The following NSD1 variants were observed in gnomAD, a reference collection of about 807,000 sequenced individuals.
The protein encoded by NSD1 is nuclear receptor binding SET domain protein 1.
In NSD1, 26 loss-of-function variants were observed where a neutral mutation model predicts 242.7. The ratio of observed to expected loss-of-function variants is 0.11; its 90% CI spans 0.08 to 0.15. The LOEUF (loss-of-function observed/expected upper bound fraction) is 0.15. NSD1 is among the 10% of genes least tolerant of loss of function. NSD1 has a pLI of 1.00. For synonymous variants in NSD1, 1,106 were observed against 1,178.1 expected (o/e 0.94, Z 1.25); for missense variants, 2,495 against 3,272.8 (o/e 0.76, Z 5.80).
rs142030334 is a variant in NSD1, at chr5:177,294,164, A to G, written c.6796A>G (p.Lys2266Glu). The change falls in exon 23 of 23, where the codon AAA (lysine) becomes GAA (glutamate). Residue 2266 changes from lysine to glutamate, a missense_variant. Transcript: ENST00000439151. Reference protein sequence around the residue: ...ADTNQMLSLSKKALAGTCQRP... With the variant: ...ADTNQMLSLSEKALAGTCQRP... ...CACCAACCAGATGCTGTCGCTCTCC[A>G]AAAAAGCTCTGGCAGGGACTTGTCA... 1.9e-6 allele frequency: 3 copies of G among 1,614,068 alleles called. No individual in the cohort carries two copies. The highest frequency in any genetic ancestry group is 2.5e-6 in the Non-Finnish European group (3 of 1,180,030).
At chr5:177,192,088 A>G in intron 3 of NSD1, 69 bp downstream of exon 3, 7 of 1,318,638 alleles carry the variant, frequency 5.3e-6, no homozygotes, top group Non-Finnish European at 7.4e-6. Flanking sequence ...TTGTTATCTT[A>G]ATAATAATAT....
rs1554183364 is a variant in NSD1, at chr5:177,181,426, G to GTTTTTTTTTTT, written c.928-10458_928-10457insTTTTTTTTTTT. 1.5e-4 allele frequency among the ~76,000 whole-genome samples: 18 copies of GTTTTTTTTTTT among 119,762 alleles called. 1 individual carries two copies. Among genetic ancestry groups the GTTTTTTTTTTT allele is most frequent in the East Asian group, 4.7e-4 (2 of 4,252 alleles). The allele number at this position is 119,762 out of a possible 152,430, so 78.6% of individuals were successfully genotyped here. On this transcript the variant is annotated intron_variant, in intron 2 of 22. Coordinates refer to ENST00000439151, the MANE Select transcript of NSD1 (RefSeq NM_022455.5). Reference sequence around the variant, plus strand: ...GAAACTTCATTATGGGTTTTTTTTTGGTTTTTTTTTTTTTTTTTTGGCAGG... The same window carrying GTTTTTTTTTTT: ...GAAACTTCATTATGGGTTTTTTTTTGTTTTTTTTTTTGTTTTTTTTTTTTTTTTTTGGCAGG...
intron 2 of NSD1, among the ~76,000 whole-genome samples, chr5:177,139,852 T>A (rs2149762013): frequency 6.6e-6 from 1 of 151,040 alleles, no homozygotes; most frequent in Non-Finnish European, 1.5e-5. Context: ...GAGGCAGTAG[T>A]AGGATCACTT....
chr5:177,169,867 A>G lies in NSD1; in HGVS notation c.928-22017A>G, dbSNP rs146659022. Among the ~76,000 whole-genome samples the G allele has an allele frequency of 2.9e-3, 437 of 152,190 alleles. 2 individuals carry two copies. Among genetic ancestry groups the G allele is most frequent in the Non-Finnish European group, 5.2e-3 (356 of 67,996 alleles). On this transcript the variant is annotated intron_variant, in intron 2 of 22. Transcript: ENST00000439151. ...CTGCAATTACTTCTGTACCAACCTA[A>G]TAGTTTGCTTAGTGTTTTTATCATG...
At chr5:177,174,051 TCTC>T (rs1237436645) in intron 2 of NSD1, among the ~76,000 whole-genome samples, 3 of 151,990 alleles carry the variant, frequency 2.0e-5, no homozygotes, top group African/African-American at 4.8e-5. Flanking sequence ...TCCTTTTTAT[TCTC>T]CTCCTTGGTC....
In NSD1 at chr5:177,293,751, C is replaced by T. The variant is rs187083426; in HGVS notation, c.6464-81C>T. On this transcript the variant is annotated intron_variant, in intron 22 of 22. Transcript: ENST00000439151. ...TGTGAAGGAAGGTCATCATCCACACCTTCGGACTGTAGCATAGCCTTGGCC... is the reference window on the plus strand; with the variant it reads ...TGTGAAGGAAGGTCATCATCCACACTTTCGGACTGTAGCATAGCCTTGGCC... The T allele has an allele frequency of 1.1e-3, 1,607 of 1,508,908 alleles. 6 individuals carry two copies. In the Middle Eastern group the frequency reaches 0.016, roughly 15 times the overall value. The allele number at this position is 1,508,908 out of a possible 1,614,324, so 93.5% of individuals were successfully genotyped here.
rs75496330 is a variant in NSD1 at position 177,227,412 on chromosome 5, T to G, written c.3797-8409T>G. Among the ~76,000 whole-genome samples, 3 of 152,318 alleles carry G rather than the reference T, an allele frequency of 2.0e-5. No individual in the cohort carries two copies. In the East Asian group the frequency reaches 5.8e-4, roughly 29 times the overall value. On this transcript the variant is annotated intron_variant, in intron 5 of 22. Transcript: ENST00000439151. ...TAGTTTCCTTTACTTTCTGGCAGGA[T>G]GATAACAATATTCATTAACTTTGGA...
intron 16 of NSD1, among the ~76,000 whole-genome samples, chr5:177,271,087 C>T (rs1346969347): frequency 6.6e-6 from 1 of 152,040 alleles, no homozygotes; most frequent in Non-Finnish European, 1.5e-5. Context: ...TGCCTAAGCT[C>T]TGAGATTCTG....
intron 2 of NSD1, among the ~76,000 whole-genome samples, chr5:177,165,311 G>A (rs1196264722): frequency 1.3e-5 from 2 of 151,848 alleles, no homozygotes; most frequent in Non-Finnish European, 2.9e-5. Flanking sequence ...TGGGATTACA[G>A]GTGCTTGCCA....
chr5:177,244,137 A>C (rs368843320), intron 8 of NSD1, 58 bp from the exon 9 acceptor site: 1 of 1,251,452 alleles, frequency 8.0e-7, no homozygotes, highest in South Asian at 1.2e-5. Flanking sequence ...TGGCATATAA[A>C]GTAAAGGGTT....
intron 2 of NSD1, among the ~76,000 whole-genome samples, chr5:177,139,624 T>C (rs1756643931): frequency 6.6e-6 from 1 of 152,222 alleles, no homozygotes; most frequent in South Asian, 2.1e-4. Flanking sequence ...CTGGGAATTT[T>C]AGAAAATCCT....
chr5:177,164,770 T>TC (rs1352084381), intron 2 of NSD1, among the ~76,000 whole-genome samples: 1 of 149,330 alleles, frequency 6.7e-6, no homozygotes, highest in Admixed American at 6.7e-5. Context: ...ATGGTGAAAC[T>TC]CCATCTCTAC....
intron 20 of NSD1, among the ~76,000 whole-genome samples, chr5:177,284,260 C>T (rs893530373): frequency 7.2e-5 from 11 of 152,168 alleles, no homozygotes; most frequent in African/African-American, 2.7e-4. Flanking sequence ...TTTCTGACCA[C>T]CTCATTTCAT....
At chr5:177,219,316 G>T (rs899981762) in intron 5 of NSD1, among the ~76,000 whole-genome samples, 4 of 151,794 alleles carry the variant, frequency 2.6e-5, no homozygotes, top group Admixed American at 2.0e-4. Context: ...CTCCCAAGTA[G>T]CTGGGATTAC....
intron 17 of NSD1, among the ~76,000 whole-genome samples, chr5:177,274,269 T>G (rs1353307285): frequency 1.3e-5 from 2 of 152,252 alleles, no homozygotes; most frequent in East Asian, 3.8e-4. Flanking sequence ...ACCTACCTAG[T>G]GAAATAGTCA....
chr5:177,226,553 C>T (rs1286186210), intron 5 of NSD1, among the ~76,000 whole-genome samples: 1 of 152,158 alleles, frequency 6.6e-6, no homozygotes, highest in East Asian at 1.9e-4. Flanking sequence ...CTCTTTCCTT[C>T]ACTTGAGAGA....
chr5:177,251,147 G>C (rs1038338740), intron 11 of NSD1, among the ~76,000 whole-genome samples: 3 of 150,960 alleles, frequency 2.0e-5, no homozygotes, highest in Admixed American at 2.0e-4. Context: ...CCAAGATTGC[G>C]CCATTGTACT....
intron 2 of NSD1, among the ~76,000 whole-genome samples, chr5:177,179,006 A>G (rs1051265760): frequency 6.6e-6 from 1 of 152,194 alleles, no homozygotes; most frequent in Non-Finnish European, 1.5e-5. Context: ...TATGAAGTAT[A>G]AGTAGCTATT....
chr5:177,211,144 A>C lies in NSD1; in HGVS notation c.2745A>C (p.Lys915Asn), dbSNP rs1280580132. ...YKFSTLLMML[K>N]DMHDSKTKEQ... ...TCAGTACATTGCTAATGATGTTGAA[A>C]GATATGCATGATAGTAAGACGAAGG... Residue 915 changes from lysine (K) to asparagine (N), a missense_variant, in exon 5 of 23, where the codon AAA becomes AAC. Around this residue, in one of 19 missense-constraint regions of NSD1, gnomAD observed 121 missense variants for 167.2 expected, o/e 0.72. Transcript: ENST00000439151. 2 of 1,614,124 alleles carry C rather than the reference A, an allele frequency of 1.2e-6. No individual in the cohort carries two copies. The highest frequency in any genetic ancestry group is 1.7e-5 in the Admixed American group (1 of 60,006).
Sources: gnomAD v4.1 joint callset for allele counts (sites outside exome capture counted in the v4.1 genomes callset) on GRCh38, gnomAD v4.1.1 for gene constraint, gnomAD v4.1.1 regional missense constraint, MANE v1.5 for transcripts, NCBI Gene and HGNC (gene_info 2026-07-23, HGNC 2026-07-21) for gene names.